CNGA2: variants seen among roughly 807,000 people sequenced by gnomAD.
CNGA2 encodes the protein cyclic nucleotide gated channel subunit alpha 2, also known as cyclic nucleotide-gated channel alpha-2.
CNGA2 carries 22 observed loss-of-function variants against 35.9 expected under a neutral mutation model. The ratio of observed to expected loss-of-function variants is 0.61; its 90% CI spans 0.44 to 0.88. CNGA2 has a LOEUF of 0.88. CNGA2 is among the 40% of genes least tolerant of loss of function. The pLI, the probability that CNGA2 is intolerant of heterozygous loss-of-function variation, is 0.00. For synonymous variants in CNGA2, 217 were observed against 209.2 expected (o/e 1.04, Z -0.32); for missense variants, 555 against 530.8 (o/e 1.05, Z -0.45).
At position 151,734,785 on chromosome X, in the gene CNGA2, C is replaced by T. The variant is rs149059225; in HGVS notation, c.-185C>T. ...TTTCAAGAAAGATGGCGTGGATAAA[C>T]TGTTAGATGCTGCTCAGAAACACAA... On this transcript the variant is annotated 5_prime_UTR_variant, in exon 1 of 7. Transcript: ENST00000329903. 5.5e-3 allele frequency among the ~76,000 whole-genome samples: 616 copies of T among 111,728 alleles called. 3 individuals carry two copies. Among genetic ancestry groups the T allele is most frequent in the African/African-American group, 0.019 (577 of 30,728 alleles).
At chrX:151,741,173 A>C (rs2015302089) in intron 5 of CNGA2, among the ~76,000 whole-genome samples, 1 of 111,713 alleles carries the variant, frequency 9.0e-6, no homozygotes, top group African/African-American at 3.3e-5. Context: ...CCCTCCTCAC[A>C]AACCCTTAAG....
At chrX:151,739,487 A>T in intron 3 of CNGA2, 75 bp from the exon 4 acceptor site, 2 of 1,030,319 alleles carry the variant, frequency 1.9e-6, no homozygotes, top group Non-Finnish European at 2.6e-6. Flanking sequence ...GCAGACAGTG[A>T]GCTCTTGGGG....
rs1171473956 is a variant in CNGA2 at position 151,738,868 on chromosome X, T to G, written c.192T>G (p.Ser64Arg). The change falls in exon 3 of 7, where the codon AGT becomes AGG. Residue 64 changes from serine (S) to arginine (R), a missense_variant. Ser to Arg is a moderately radical substitution (Grantham distance 110, BLOSUM62 -1). Coordinates refer to ENST00000329903, the MANE Select transcript of CNGA2 (RefSeq NM_005140.3). ...TGGATGCCCCACAGCAGGGAAGGAGTGGCTTCCGCAGGTGGGTCCCACCAC... is the reference window on the plus strand; with the variant it reads ...TGGATGCCCCACAGCAGGGAAGGAGGGGCTTCCGCAGGTGGGTCCCACCAC... ...ADVDAPQQGR[S>R]GFRRIVRLVG... The G allele has an allele frequency of 8.6e-7, 1 of 1,166,830 alleles. No individual in the cohort carries two copies. The highest frequency in any genetic ancestry group is 1.9e-5 in the South Asian group (1 of 52,300).
intron 1 of CNGA2, among the ~76,000 whole-genome samples, chrX:151,737,063 C>T (rs887091901): frequency 8.9e-6 from 1 of 111,971 alleles, no homozygotes; most frequent in Non-Finnish European, 1.9e-5. Flanking sequence ...AGGTGAGCAT[C>T]TCTGAGGCTG....
At position 151,738,761 on chromosome X, in the gene CNGA2, G is replaced by A. The variant is rs181144563; in HGVS notation, c.111-26G>A. On this transcript the variant is annotated intron_variant, in intron 2 of 6. Transcript: ENST00000329903. ...GACAAGTCATGCCCTGAGAACCCTG[G>A]GTCAATTCTGCTCTTTTTTCTGCAG... 1.6e-4 allele frequency: 188 copies of A among 1,148,283 alleles called. 1 individual carries two copies. In the East Asian group the frequency reaches 5.9e-3, roughly 36 times the overall value. The allele number at this position is 1,148,283 out of a possible 1,213,427, so 94.6% of individuals were successfully genotyped here.
intron 5 of CNGA2, among the ~76,000 whole-genome samples, chrX:151,741,291 C>T (rs1259039019): frequency 1.8e-5 from 2 of 111,910 alleles, no homozygotes; most frequent in African/African-American, 6.5e-5. Flanking sequence ...CACCCCAGCC[C>T]CAGCATTCAC....
At chrX:151,735,859 C>G (rs772967291) in intron 1 of CNGA2, among the ~76,000 whole-genome samples, 1 of 110,868 alleles carries the variant, frequency 9.0e-6, no homozygotes, top group Admixed American at 9.6e-5. Flanking sequence ...CCCTCCTACT[C>G]CTCGCTTGAA....
At chrX:151,742,366 TG>T (rs1253693623) in intron 5 of CNGA2, among the ~76,000 whole-genome samples, 169 bp from the exon 6 acceptor site, 1 of 110,014 alleles carries the variant, frequency 9.1e-6, no homozygotes, top group Non-Finnish European at 1.9e-5. Context: ...TGAGGAGGGG[TG>T]GGGCAGAAGT....
At position 151,743,695 on chromosome X, in the gene CNGA2, T is replaced by C; in HGVS notation, c.1192T>C (p.Phe398Leu). The C allele has an allele frequency of 1.7e-6, 2 of 1,211,525 alleles. No homozygotes were observed. Among genetic ancestry groups the C allele is most frequent in the Non-Finnish European group, 2.2e-6 (2 of 895,521 alleles). Reference sequence around the variant, plus strand: ...CGATGCCGTGAAACACTACATGCAGTTCCGAAAGGTCAGCAAGGGGATGGA... The same window carrying C: ...CGATGCCGTGAAACACTACATGCAGCTCCGAAAGGTCAGCAAGGGGATGGA... ...KIDAVKHYMQ[F>L]RKVSKGMEAK... is the part of the protein sequence containing the mutation. The change falls in exon 7 of 7, where the codon TTC becomes CTC. Residue 398 changes from phenylalanine to leucine, a missense_variant. Transcript: ENST00000329903.
chrX:151,737,892 C>T (rs2015263914), intron 1 of CNGA2, among the ~76,000 whole-genome samples: 1 of 106,765 alleles, frequency 9.4e-6, no homozygotes, highest in East Asian at 3.1e-4. Context: ...CCCAGAGCAG[C>T]TGCTCTCTAC....
chrX:151,743,122 G>A lies in CNGA2; in HGVS notation c.619G>A (p.Asp207Asn). ...GFLEQGLLVK[D>N]TKKLRDNYIH... ...CCTGGAGCAGGGGCTGCTGGTCAAA[G>A]ATACCAAGAAACTGCGAGACAACTA... is the stretch of plus-strand genomic sequence containing the variant. Residue 207 changes from aspartate (D) to asparagine (N), a missense_variant, in exon 7 of 7, where the codon GAT becomes AAT. Transcript: ENST00000329903. The A allele has an allele frequency of 5.0e-6, 6 of 1,192,862 alleles. No homozygotes were observed. Among genetic ancestry groups the A allele is most frequent in the Non-Finnish European group, 6.8e-6 (6 of 886,314 alleles).
rs771899424 is a variant in CNGA2 at position 151,744,441 on chromosome X, T to C, written c.1938T>C (p.Asp646=). Residue 646 remains aspartate, a synonymous_variant, in exon 7 of 7, where the codon GAT becomes GAC. Transcript: ENST00000329903. ...CCAAGATGAAACAGAACAATGAAGATGACTACCTGTCTGATGGGATGAACA... is the reference window on the plus strand; with the variant it reads ...CCAAGATGAAACAGAACAATGAAGACGACTACCTGTCTGATGGGATGAACA... ...LETKMKQNNE[D]DYLSDGMNSP... 2 of 1,205,395 alleles carry C rather than the reference T, an allele frequency of 1.7e-6. No individual in the cohort carries two copies. The highest frequency in any genetic ancestry group is 2.4e-4 in the Middle Eastern group (1 of 4,235).
At chrX:151,741,588 T>A (rs185291038) in intron 5 of CNGA2, among the ~76,000 whole-genome samples, 1 of 112,149 alleles carries the variant, frequency 8.9e-6, no homozygotes, top group East Asian at 2.8e-4. Flanking sequence ...GGACAGTGAC[T>A]GTAAACCTGA....
At chrX:151,743,038 ATGT>A in intron 6 of CNGA2, 52 bp from the exon 7 acceptor site, 1 of 443,188 alleles carries the variant, frequency 2.3e-6, no homozygotes, top group Non-Finnish European at 3.7e-6. Flanking sequence ...GCACATATAT[ATGT>A]ATATATATAC....
chrX:151,743,645 C>A lies in CNGA2; in HGVS notation c.1142C>A (p.Thr381Asn). 1 of 1,211,552 alleles carries A rather than the reference C, an allele frequency of 8.3e-7. No individual in the cohort carries two copies. Among genetic ancestry groups the A allele is most frequent in the East Asian group, 3.0e-5 (1 of 33,834 alleles). ...VGSMISNMNATRAEFQAKIDA... is the reference protein window; with the variant it reads ...VGSMISNMNANRAEFQAKIDA... Reference sequence around the variant, plus strand: ...TCCATGATCTCCAACATGAATGCCACCCGGGCAGAGTTCCAGGCTAAGATC... The same window carrying A: ...TCCATGATCTCCAACATGAATGCCAACCGGGCAGAGTTCCAGGCTAAGATC... Residue 381 changes from threonine (T) to asparagine (N), a missense_variant, in exon 7 of 7, where the codon ACC becomes AAC. By Grantham distance (65) the Thr-to-Asn change is moderately conservative. Transcript: ENST00000329903.
chrX:151,742,557 G>T lies in CNGA2; in HGVS notation c.504G>T (p.Gln168His). 8.3e-7 allele frequency: 1 copy of T among 1,209,358 alleles called. No homozygotes were observed. The change falls in exon 6 of 7, where the codon CAG (glutamine) becomes CAT (histidine). Residue 168 changes from glutamine to histidine, a missense_variant. Gln to His is a conservative substitution (Grantham distance 24). Coordinates refer to ENST00000329903, the MANE Select transcript of CNGA2 (RefSeq NM_005140.3). ...LVARACFSDL[Q>H]KGYYLVWLVL... ...GCAGAGCCTGCTTCAGTGACCTACA[G>T]AAAGGCTACTACCTGGTGTGGCTGG...
chrX:151,736,478 C>T (rs1286341066), intron 1 of CNGA2, among the ~76,000 whole-genome samples: 1 of 112,009 alleles, frequency 8.9e-6, no homozygotes, highest in Non-Finnish European at 1.9e-5. Context: ...ACGGTTGACA[C>T]CAGGCTTCCA....
intron 4 of CNGA2, 146 bp from the exon 5 acceptor site, chrX:151,740,648 G>A: frequency 4.1e-6 from 2 of 486,525 alleles, no homozygotes; most frequent in Non-Finnish European, 7.2e-6. Flanking sequence ...CCTGAAAAAT[G>A]TGGCCCTCAG....
intron 1 of CNGA2, among the ~76,000 whole-genome samples, chrX:151,736,007 C>T (rs912767424): frequency 8.1e-5 from 9 of 111,533 alleles, no homozygotes; most frequent in African/African-American, 2.9e-4. Flanking sequence ...GCATAGAACA[C>T]TTATCTTCCT....
Sources: gnomAD v4.1 joint callset for allele counts (sites outside exome capture counted in the v4.1 genomes callset) on GRCh38, gnomAD v4.1.1 for gene constraint, MANE v1.5 for transcripts, NCBI Gene and HGNC (gene_info 2026-07-23, HGNC 2026-07-21) for gene names.